PAPSS1: variants seen among roughly 807,000 people sequenced by gnomAD.
The protein encoded by PAPSS1 is 3'-phosphoadenosine 5'-phosphosulfate synthase 1.
A neutral mutation model predicts 72.0 loss-of-function variants in PAPSS1; 50 were observed. The observed-to-expected ratio is 0.69, with a 90% CI of 0.55 to 0.88. The LOEUF (loss-of-function observed/expected upper bound fraction) is 0.88, where lower values mean the gene tolerates loss of function less well. Among genes scored for constraint, PAPSS1 ranks in the 40% least tolerant of loss-of-function variants. PAPSS1 has a pLI of 0.00. For missense variants in PAPSS1, 657 were observed against 782.2 expected, an observed-to-expected ratio of 0.84 and a Z score of 1.91; for synonymous variants, 261 against 263.6, an observed-to-expected ratio of 0.99 and a Z score of 0.09.
intron 5 of PAPSS1, among the ~76,000 whole-genome samples, chr4:107,679,784 C>G (rs1262139580): frequency 6.6e-6 from 1 of 151,504 alleles, no homozygotes; most frequent in African/African-American, 2.4e-5. Flanking sequence ...GATTCAAGCA[C>G]TCCTCAAGAT....
At chr4:107,652,236 T>G (rs1184620249) in intron 9 of PAPSS1, among the ~76,000 whole-genome samples, 1 of 152,202 alleles carries the variant, frequency 6.6e-6, no homozygotes, top group East Asian at 1.9e-4. Flanking sequence ...CCAAACCATC[T>G]CTGCAGTGGG....
chr4:107,665,405 T>C (rs1192590775), intron 5 of PAPSS1, among the ~76,000 whole-genome samples: 1 of 152,212 alleles, frequency 6.6e-6, no homozygotes. Flanking sequence ...TGGGATTCAT[T>C]AGGATTTCCA....
At chr4:107,704,672 C>T (rs1723289879) in intron 1 of PAPSS1, among the ~76,000 whole-genome samples, 1 of 152,130 alleles carries the variant, frequency 6.6e-6, no homozygotes, top group Non-Finnish European at 1.5e-5. Flanking sequence ...CATATGTTAG[C>T]TGGGCATGGT....
intron 5 of PAPSS1, among the ~76,000 whole-genome samples, chr4:107,672,187 C>T (rs950828097): frequency 4.6e-5 from 7 of 152,198 alleles, no homozygotes; most frequent in Non-Finnish European, 7.4e-5. Context: ...AGGCACCGGG[C>T]GCATCTCACT....
intron 5 of PAPSS1, among the ~76,000 whole-genome samples, chr4:107,663,079 A>C: frequency 6.6e-6 from 1 of 152,220 alleles, no homozygotes; most frequent in Middle Eastern, 3.2e-3. Context: ...AAACATAACA[A>C]GTTACACAAA....
At chr4:107,675,810 G>C (rs1185589756) in intron 5 of PAPSS1, among the ~76,000 whole-genome samples, 1 of 152,150 alleles carries the variant, frequency 6.6e-6, no homozygotes, top group Non-Finnish European at 1.5e-5. Context: ...ACCGAATCCA[G>C]CAGCACATCA....
At chr4:107,688,063 C>A (rs139601418) in intron 3 of PAPSS1, among the ~76,000 whole-genome samples, 120 of 152,036 alleles carry the variant, frequency 7.9e-4, no homozygotes, top group African/African-American at 2.7e-3. Flanking sequence ...ACAAATTTAT[C>A]TACATACTAA....
chr4:107,662,992 A>T (rs969783827), intron 5 of PAPSS1, among the ~76,000 whole-genome samples: 1 of 152,246 alleles, frequency 6.6e-6, no homozygotes, highest in African/African-American at 2.4e-5. Context: ...GCCTCCAAAG[A>T]TGCCTTGAGG....
At chr4:107,616,253 A>C (rs1200552784) in intron 11 of PAPSS1, among the ~76,000 whole-genome samples, 2 of 152,202 alleles carry the variant, frequency 1.3e-5, no homozygotes, top group African/African-American at 4.8e-5. Flanking sequence ...GTTTTCTACA[A>C]TGATCATTTC....
In PAPSS1 at chr4:107,681,916, T is replaced by C. The variant is rs190149137; in HGVS notation, c.669+99A>G. On this transcript the variant is annotated intron_variant, in intron 5 of 11. Coordinates refer to ENST00000265174, the MANE Select transcript of PAPSS1 (RefSeq NM_005443.5). ...CATTTCGAAGCATTTAAAATACAAA[T>C]GTTACTCAATATTAACACCACCATT... The C allele has an allele frequency of 7.1e-4, 464 of 656,220 alleles. 1 individual carries two copies. The highest frequency in any genetic ancestry group is 1.4e-4 in the Non-Finnish European group (50 of 364,652). 40.6% of individuals were successfully genotyped at this position (656,220 alleles called of 1,614,324 possible). A position where few individuals can be genotyped will look rare whatever the true frequency, so the allele number is the denominator to read the frequency against.
At chr4:107,627,538 A>G (rs1023088111) in intron 11 of PAPSS1, among the ~76,000 whole-genome samples, 1 of 152,148 alleles carries the variant, frequency 6.6e-6, no homozygotes, top group African/African-American at 2.4e-5. Flanking sequence ...GGGAGCTTTT[A>G]AAAGAACTAC....
chr4:107,662,554 AAT>A (rs1414849586), intron 5 of PAPSS1, among the ~76,000 whole-genome samples: 3 of 152,220 alleles, frequency 2.0e-5, no homozygotes, highest in African/African-American at 7.2e-5. Context: ...GTGACAACTA[AAT>A]ATACATAGTT....
intron 4 of PAPSS1, among the ~76,000 whole-genome samples, chr4:107,686,823 T>G (rs1320641733): frequency 6.6e-6 from 1 of 152,200 alleles, no homozygotes; most frequent in African/African-American, 2.4e-5. Context: ...CTCTGGCTAG[T>G]GAACAGGATT....
intron 5 of PAPSS1, among the ~76,000 whole-genome samples, chr4:107,677,713 G>A (rs977872456): frequency 6.6e-6 from 1 of 152,178 alleles, no homozygotes; most frequent in Non-Finnish European, 1.5e-5. Flanking sequence ...TATAAATCAT[G>A]CTGCTATAAA....
intron 4 of PAPSS1, among the ~76,000 whole-genome samples, chr4:107,683,970 A>G (rs1237139996): frequency 7.4e-6 from 1 of 135,732 alleles, no homozygotes; most frequent in Non-Finnish European, 1.7e-5. Flanking sequence ...ATACAGACAC[A>G]CACACAAACA....
At chr4:107,710,306 T>C (rs1452990832) in intron 1 of PAPSS1, among the ~76,000 whole-genome samples, 7 of 152,188 alleles carry the variant, frequency 4.6e-5, no homozygotes, top group African/African-American at 1.7e-4. Context: ...TCTGGGTGCT[T>C]TGTAGAAAAA....
At chr4:107,633,655 C>T (rs1328789832) in intron 10 of PAPSS1, among the ~76,000 whole-genome samples, 3 of 152,016 alleles carry the variant, frequency 2.0e-5, no homozygotes, top group Admixed American at 2.0e-4. Context: ...CACAGTGGCT[C>T]ATGCCTGTAA....
chr4:107,621,800 A>AT (rs1474324425), intron 11 of PAPSS1, among the ~76,000 whole-genome samples: 204 of 145,748 alleles, frequency 1.4e-3, no homozygotes, highest in African/African-American at 3.8e-3. Context: ...TTTTTTTTGT[A>AT]TTTTTTTTTA....
intron 7 of PAPSS1, among the ~76,000 whole-genome samples, chr4:107,656,534 T>G (rs1422570984): frequency 6.6e-6 from 1 of 152,178 alleles, no homozygotes; most frequent in African/African-American, 2.4e-5. Context: ...ATTAGAAAGC[T>G]CAAGCATGGG....
Sources: allele counts gnomAD v4.1 joint callset (sites outside exome capture counted in the v4.1 genomes callset), GRCh38; gene constraint gnomAD v4.1.1; transcripts MANE v1.5; gene names NCBI Gene and HGNC (gene_info 2026-07-23, HGNC 2026-07-21).